The following UNC13C variants were observed in gnomAD, a reference collection of about 807,000 sequenced individuals.
UNC13C encodes the protein protein unc-13 homolog C.
UNC13C carries 174 observed loss-of-function variants against 245.4 expected under a neutral mutation model. The observed-to-expected ratio is 0.71, with a 90% CI of 0.63 to 0.80. UNC13C has a LOEUF of 0.80. Among genes scored for constraint, UNC13C ranks in the 30% least tolerant of loss-of-function variants. The pLI is 0.00. For missense variants in UNC13C, 2,829 were observed against 2,602.9 expected (o/e 1.09, Z -1.89); for synonymous variants, 992 against 895.1 (o/e 1.11, Z -1.93).
At chr15:53,901,362 G>C in the UNC13C span, among the ~76,000 whole-genome samples, 4 of 151,732 alleles carry the variant, frequency 2.6e-5, no homozygotes, top group African/African-American at 9.7e-5. Context: ...TGGGACTACA[G>C]GTGCCTGACA....
the UNC13C span, chr15:53,948,194 T>C: frequency 6.6e-6 from 1 of 152,244 alleles, no homozygotes; most frequent in African/African-American, 2.4e-5. Flanking sequence ...CTTGTTTGTT[T>C]ACTCTTTTTA....
chr15:54,560,183 G>C (rs1897245401), intron 29 of UNC13C, among the ~76,000 whole-genome samples: 1 of 151,832 alleles, frequency 6.6e-6, no homozygotes, highest in Non-Finnish European at 1.5e-5. Context: ...ACAGGTGTTG[G>C]AAAGAACAAA....
rs1491473719 is a variant in UNC13C, at chr15:54,455,206, T to TCC, written c.4934-39402_4934-39401insCC. On this transcript the variant is annotated intron_variant, in intron 19 of 32. Transcript: ENST00000260323. ...CTCTCTCTCTCTCTCTCTCTCTCTC[T>TCC]ATATATATATATATATATATATATA... 3.5e-3 allele frequency among the ~76,000 whole-genome samples: 84 copies of TCC among 24,022 alleles called. 4 individuals carry two copies. Among genetic ancestry groups the TCC allele is most frequent in the African/African-American group, 0.01 (77 of 7,392 alleles). The allele number at this position is 24,022 out of a possible 152,430, so 15.8% of individuals were successfully genotyped here.
chr15:53,897,575 T>C, the UNC13C span, among the ~76,000 whole-genome samples: 1 of 152,206 alleles, frequency 6.6e-6, no homozygotes, highest in Non-Finnish European at 1.5e-5. Context: ...CCATGGAACC[T>C]GGCTATACAT....
At chr15:54,221,689 C>G (rs1567110871) in intron 4 of UNC13C, among the ~76,000 whole-genome samples, 1 of 151,870 alleles carries the variant, frequency 6.6e-6, no homozygotes, top group South Asian at 2.1e-4. Context: ...TCACATAGCC[C>G]TATCGAACAA....
Position 54,054,238 on chromosome 15 carries a change from A to G in UNC13C, c.2983+38352A>G, listed in dbSNP as rs138272533. On this transcript the variant is annotated intron_variant, in intron 2 of 32. Coordinates refer to ENST00000260323, the MANE Select transcript of UNC13C (RefSeq NM_001080534.3). ...TGGTTGCACTAATTTATGCCTACCTATCATTTGACTGTTCTTTCTCTGCAT... is the reference window on the plus strand; with the variant it reads ...TGGTTGCACTAATTTATGCCTACCTGTCATTTGACTGTTCTTTCTCTGCAT... Among the ~76,000 whole-genome samples, 84 of 152,238 alleles carry G rather than the reference A, an allele frequency of 5.5e-4. 1 individual carries two copies. The East Asian group carries it at 0.011, about 20-fold the overall frequency.
At chr15:54,057,753 C>A (rs1237742885) in intron 2 of UNC13C, among the ~76,000 whole-genome samples, 2 of 152,154 alleles carry the variant, frequency 1.3e-5, no homozygotes, top group Non-Finnish European at 2.9e-5. Context: ...GAAATTATAA[C>A]AAACTGTCTC....
At chr15:54,004,588 T>G (rs1895053037) in intron 1 of UNC13C, among the ~76,000 whole-genome samples, 1 of 152,222 alleles carries the variant, frequency 6.6e-6, no homozygotes, top group Admixed American at 6.5e-5. Flanking sequence ...ACCTTCAAAC[T>G]GTTCTCCATA....
intron 30 of UNC13C, among the ~76,000 whole-genome samples, chr15:54,568,960 A>T (rs1258931917): frequency 6.6e-6 from 1 of 152,146 alleles, no homozygotes; most frequent in Non-Finnish European, 1.5e-5. Flanking sequence ...ATCCCAGGTT[A>T]TACTGTGGGA....
chr15:54,009,675 T>C (rs1281558232), intron 1 of UNC13C, among the ~76,000 whole-genome samples: 5 of 152,056 alleles, frequency 3.3e-5, no homozygotes, highest in Non-Finnish European at 7.4e-5. Flanking sequence ...GCCTCCTGCG[T>C]AGCTGGGACT....
chr15:53,905,938 C>T, the UNC13C span, among the ~76,000 whole-genome samples: 15 of 152,204 alleles, frequency 9.9e-5, no homozygotes, highest in South Asian at 2.3e-3. Context: ...AAATAACAGA[C>T]ACTGTAATAC....
At chr15:54,591,944 C>T (rs1261427816) in intron 30 of UNC13C, among the ~76,000 whole-genome samples, 5 of 151,988 alleles carry the variant, frequency 3.3e-5, no homozygotes, top group African/African-American at 1.2e-4. Context: ...TATGAACTTT[C>T]CTGTTAACAC....
intron 19 of UNC13C, among the ~76,000 whole-genome samples, chr15:54,469,582 A>G (rs1258592506): frequency 6.6e-6 from 1 of 151,578 alleles, no homozygotes; most frequent in Non-Finnish European, 1.5e-5. Flanking sequence ...ATCCTTTCAT[A>G]TACATAAAAT....
chr15:54,203,860 A>G (rs994726798), intron 4 of UNC13C, among the ~76,000 whole-genome samples: 1 of 95,910 alleles, frequency 1.0e-5, no homozygotes, highest in East Asian at 3.5e-4. Flanking sequence ...GTATATATAC[A>G]TATATACACA....
At chr15:53,888,574 T>C in the UNC13C span, among the ~76,000 whole-genome samples, 6 of 152,344 alleles carry the variant, frequency 3.9e-5, no homozygotes, top group Non-Finnish European at 4.4e-5. Flanking sequence ...TTTGTCAATT[T>C]TGGCTTTTGT....
the UNC13C span, among the ~76,000 whole-genome samples, chr15:53,914,871 C>A: frequency 0.27 from 41,491 of 151,826 alleles, 5,787 homozygotes; most frequent in South Asian, 0.4. Flanking sequence ...TCCTTTCCCT[C>A]CCCCTAAATA....
At chr15:54,270,171 A>G (rs1353438814) in intron 10 of UNC13C, among the ~76,000 whole-genome samples, 2 of 152,216 alleles carry the variant, frequency 1.3e-5, no homozygotes, top group Non-Finnish European at 2.9e-5. Flanking sequence ...AAATGGCATG[A>G]GAATTGCAGA....
At chr15:54,057,193 G>A (rs8039660) in intron 2 of UNC13C, among the ~76,000 whole-genome samples, 129,146 of 152,002 alleles carry the variant, frequency 0.85, 55,085 homozygotes, top group Middle Eastern at 0.92. Context: ...AAGACCCATC[G>A]ATGTGCTGTA....
At chr15:54,109,826 C>T (rs60014531) in intron 2 of UNC13C, among the ~76,000 whole-genome samples, 4,715 of 152,146 alleles carry the variant, frequency 0.031, 208 homozygotes, top group African/African-American at 0.1. Context: ...TATCTCCCTC[C>T]TCCCAACATA....
Sources: gnomAD v4.1 joint callset for allele counts (sites outside exome capture counted in the v4.1 genomes callset) on GRCh38, gnomAD v4.1.1 for gene constraint, MANE v1.5 for transcripts, NCBI Gene and HGNC (gene_info 2026-07-23, HGNC 2026-07-21) for gene names.